INO80: variants seen among roughly 807,000 people sequenced by gnomAD.
INO80 encodes the protein chromatin-remodeling ATPase INO80.
INO80 carries 20 observed loss-of-function variants against 203.4 expected under a neutral mutation model. That is an observed-to-expected ratio of 0.10 (90% CI 0.07 to 0.14). INO80 has a LOEUF of 0.14. Ranked by LOEUF, INO80 falls within the 10% of genes least tolerant of loss-of-function variation. The probability of loss-of-function intolerance (pLI) is 1.00; values close to 1 mark genes in which losing one functional copy is unlikely to be tolerated. For missense variants in INO80, 1,419 were observed against 1,914.4 expected, an observed-to-expected ratio of 0.74 and a Z score of 4.83; for synonymous variants, 726 against 685.2, an observed-to-expected ratio of 1.06 and a Z score of -0.93.
At chr15:41,022,640 A>T (rs1347803889) in intron 25 of INO80, among the ~76,000 whole-genome samples, 1 of 152,216 alleles carries the variant, frequency 6.6e-6, no homozygotes, top group African/African-American at 2.4e-5. Flanking sequence ...TCTGGCTTGC[A>T]GATGAAGCTG....
At chr15:40,984,015 C>T in intron 33 of INO80, 94 bp from the exon 34 acceptor site, 1 of 1,478,356 alleles carries the variant, frequency 6.8e-7, no homozygotes, top group South Asian at 1.2e-5. Flanking sequence ...GTTGAGGCTG[C>T]TTTGGCTTCT....
rs763192295 is a variant in INO80 at position 41,096,344 on chromosome 15, G to A, written c.-34C>T. 1.4e-5 allele frequency: 21 copies of A among 1,537,034 alleles called. No homozygotes were observed. Among genetic ancestry groups the A allele is most frequent in the African/African-American group, 7.1e-5 (5 of 70,784 alleles). ...TCTGTCTTCATGCACAAGGACCTCCGACTGCACGGCTGCAGAACAGAGATA... is the reference window on the plus strand; with the variant it reads ...TCTGTCTTCATGCACAAGGACCTCCAACTGCACGGCTGCAGAACAGAGATA... On this transcript the variant is annotated 5_prime_UTR_variant, in exon 2 of 36. Coordinates refer to ENST00000648947, the MANE Select transcript of INO80 (RefSeq NM_017553.3).
chr15:41,099,273 A>ACC (rs1813997856), intron 1 of INO80, among the ~76,000 whole-genome samples: 1 of 131,860 alleles, frequency 7.6e-6, no homozygotes, highest in South Asian at 2.4e-4. Flanking sequence ...AAAAACAAAC[A>ACC]CACACACACA....
chr15:41,084,449 C>G (rs966726696), intron 7 of INO80, among the ~76,000 whole-genome samples: 20 of 152,078 alleles, frequency 1.3e-4, no homozygotes, highest in African/African-American at 4.6e-4. Context: ...GCCCCAGGTA[C>G]TTGGAAGGCT....
At chr15:41,028,277 A>T (rs2044407175) in intron 24 of INO80, among the ~76,000 whole-genome samples, 1 of 152,112 alleles carries the variant, frequency 6.6e-6, no homozygotes, top group Non-Finnish European at 1.5e-5. Context: ...TTGCGACTAC[A>T]GGCGTGCACC....
chr15:41,082,628 C>G (rs1290776180), intron 7 of INO80, among the ~76,000 whole-genome samples: 2 of 151,934 alleles, frequency 1.3e-5, no homozygotes, highest in Non-Finnish European at 1.5e-5. Context: ...TGCTTGAACC[C>G]GGGAGGTGGA....
intron 24 of INO80, among the ~76,000 whole-genome samples, chr15:41,044,540 G>C (rs1456296249): frequency 6.6e-6 from 1 of 152,032 alleles, no homozygotes; most frequent in East Asian, 1.9e-4. Flanking sequence ...TTAATTGTTG[G>C]TTTGTCTTTT....
intron 29 of INO80, among the ~76,000 whole-genome samples, chr15:40,995,926 CA>C (rs1239526370): frequency 1.5e-4 from 23 of 152,306 alleles, no homozygotes; most frequent in African/African-American, 5.5e-4. Context: ...GCAATGCCTC[CA>C]GTGGCCCTCA....
chr15:41,113,236 T>A (rs769960492), intron 1 of INO80, among the ~76,000 whole-genome samples: 1 of 151,702 alleles, frequency 6.6e-6, no homozygotes, highest in African/African-American at 2.4e-5. Context: ...AATTTGTATG[T>A]TGGCATATAA....
Position 41,033,753 on chromosome 15 carries a change from TA to T in INO80, c.2908-6018del. Among the ~76,000 whole-genome samples the T allele has an allele frequency of 3.9e-5, 6 of 152,240 alleles. 1 individual carries two copies. Among genetic ancestry groups the T allele is most frequent in the Admixed American group, 3.9e-4 (6 of 15,300 alleles). On this transcript the variant is annotated intron_variant, in intron 24 of 35. Coordinates refer to ENST00000648947, the MANE Select transcript of INO80 (RefSeq NM_017553.3). ...TATTCACATCAATTAAGAGATTTTT[TA>T]AAAACCCCAAACTTAGGCCAGGCGC...
rs1355081640 is a variant in INO80 at position 41,081,056 on chromosome 15, A to G, written c.891T>C (p.Ala297=). 6 of 1,599,230 alleles carry G rather than the reference A, an allele frequency of 3.8e-6. 1 individual carries two copies. The highest frequency in any genetic ancestry group is 1.7e-4 in the Middle Eastern group (1 of 6,046). ...KELPKANKQK[A]SARNLFLTNS... ...TGGTGAGAAACAGGTTACGAGCTGA[A>G]GCTTTCTGCTTATTTGCCTAAAATA... The change falls in exon 8 of 36, where the codon GCT becomes GCC. Residue 297 remains alanine (A), a synonymous_variant. Transcript: ENST00000648947.
chr15:41,037,124 C>T, intron 24 of INO80, among the ~76,000 whole-genome samples: 1 of 140,924 alleles, frequency 7.1e-6, no homozygotes, highest in East Asian at 2.1e-4. Context: ...CAAAACAAAA[C>T]AAAAACTAAA....
chr15:41,115,839 C>T (rs978590799), intron 1 of INO80, 134 bp downstream of exon 1: 1 of 370,816 alleles, frequency 2.7e-6, no homozygotes, highest in African/African-American at 2.1e-5. Context: ...ATCCTCCATA[C>T]TAACCCCAAC....
intron 19 of INO80, among the ~76,000 whole-genome samples, chr15:41,052,873 A>T (rs1404875287): frequency 6.6e-6 from 1 of 150,940 alleles, no homozygotes; most frequent in East Asian, 1.9e-4. Context: ...AAAAAAAAAA[A>T]AATACAAAAA....
At chr15:41,096,434 G>A (rs2045725174) in intron 1 of INO80, 81 bp from the exon 2 acceptor site, 1 of 975,110 alleles carries the variant, frequency 1.0e-6, no homozygotes. Flanking sequence ...CCAATGTGAA[G>A]AGAAATCAGA....
At chr15:41,112,923 G>T (rs1334740257) in intron 1 of INO80, among the ~76,000 whole-genome samples, 1 of 147,628 alleles carries the variant, frequency 6.8e-6, no homozygotes, top group Non-Finnish European at 1.5e-5. Flanking sequence ...GTATTTTGTT[G>T]TTGTTGTTGT....
At chr15:41,072,099 A>G (rs1324003755) in intron 11 of INO80, 41 bp from the exon 12 acceptor site, 1 of 1,263,084 alleles carries the variant, frequency 7.9e-7, no homozygotes, top group Non-Finnish European at 1.1e-6. Context: ...AAAAAAAAAG[A>G]GGAAAAATAT....
chr15:41,106,404 GAA>G (rs2045881627), intron 1 of INO80, among the ~76,000 whole-genome samples: 3 of 134,112 alleles, frequency 2.2e-5, no homozygotes, highest in Non-Finnish European at 3.2e-5. Flanking sequence ...AAAAAAAAGA[GAA>G]AGAAAGAAAA....
chr15:41,089,846 C>T (rs967446760), intron 5 of INO80, among the ~76,000 whole-genome samples: 1 of 151,904 alleles, frequency 6.6e-6, no homozygotes, highest in African/African-American at 2.4e-5. Context: ...GTATGAAGAG[C>T]TTTCTAAGAG....
Sources: gnomAD v4.1 joint callset for allele counts (sites outside exome capture counted in the v4.1 genomes callset) on GRCh38, gnomAD v4.1.1 for gene constraint, MANE v1.5 for transcripts, NCBI Gene and HGNC (gene_info 2026-07-23, HGNC 2026-07-21) for gene names.